HTD2: variants seen among roughly 807,000 people sequenced by gnomAD.
The protein encoded by HTD2 is hydroxyacyl-thioester dehydratase type 2, also known as hydroxyacyl-thioester dehydratase type 2, mitochondrial.
Under a neutral mutation model 3.1 loss-of-function variants are expected in HTD2, and 1 was observed. The ratio of observed to expected loss-of-function variants is 0.32; its 90% CI spans 0.11 to 1.52. The LOEUF (loss-of-function observed/expected upper bound fraction) is 1.52, where lower values mean the gene tolerates loss of function less well. HTD2 is among the 40% of genes most tolerant of loss of function. The probability of loss-of-function intolerance (pLI) is 0.39; values close to 1 mark genes in which losing one functional copy is unlikely to be tolerated. For synonymous variants in HTD2, 50 were observed against 28.9 expected, an observed-to-expected ratio of 1.73 and a Z score of -2.34; for missense variants, 150 against 79.6, an observed-to-expected ratio of 1.88 and a Z score of -3.36.
intron 1 of HTD2, among the ~76,000 whole-genome samples, chr3:58,307,423 C>G (rs972928939): frequency 4.6e-5 from 7 of 152,160 alleles, no homozygotes; most frequent in Admixed American, 4.6e-4. Flanking sequence ...TGCGCAGCCA[C>G]TAAAAAAGGC....
chr3:58,311,276 C>G (rs1010479334), intron 2 of HTD2, among the ~76,000 whole-genome samples: 4 of 152,064 alleles, frequency 2.6e-5, no homozygotes, highest in Admixed American at 2.0e-4. Flanking sequence ...TGCCTTAGCC[C>G]CCCTGGTAGC....
intron 2 of HTD2, among the ~76,000 whole-genome samples, chr3:58,314,882 T>G (rs1190703346): frequency 6.6e-6 from 1 of 152,002 alleles, no homozygotes; most frequent in African/African-American, 2.4e-5. Context: ...AGACGGGGTT[T>G]CACCATGTTG....
At chr3:58,309,860 C>T (rs1260824851) in intron 1 of HTD2, among the ~76,000 whole-genome samples, 2 of 151,976 alleles carry the variant, frequency 1.3e-5, no homozygotes, top group African/African-American at 4.8e-5. Context: ...CCACTGCACT[C>T]CAGCCTGGGC....
chr3:58,317,488 T>C lies in HTD2; in HGVS notation c.-126T>C, dbSNP rs777285667. 1.9e-6 allele frequency: 3 copies of C among 1,582,358 alleles called. No individual in the cohort carries two copies. The highest frequency in any genetic ancestry group is 2.2e-5 in the South Asian group (2 of 90,202). On this transcript the variant is annotated 5_prime_UTR_variant, in exon 5 of 5. Transcript: ENST00000461393. ...ATCTGGTAATAGTAGGGAACTAGTA[T>C]TGGATTGAATGAATAGTCTTCCATT...
chr3:58,309,871 G>T (rs1446556831), intron 1 of HTD2, among the ~76,000 whole-genome samples: 1 of 151,710 alleles, frequency 6.6e-6, no homozygotes, highest in African/African-American at 2.4e-5. Context: ...CAGCCTGGGC[G>T]ACAGAGCAAG....
chr3:58,311,205 A>G (rs1021127527), intron 2 of HTD2, among the ~76,000 whole-genome samples: 2 of 151,970 alleles, frequency 1.3e-5, no homozygotes, highest in Non-Finnish European at 2.9e-5. Context: ...CCCAGGCTGG[A>G]GTGCAATGGC....
rs1559796296 is a variant in HTD2 at position 58,317,471 on chromosome 3, A to G, written c.-143A>G. On this transcript the variant is annotated 5_prime_UTR_variant, in exon 5 of 5. It removes the in-frame stop codon of an upstream open reading frame in the 5' UTR. Transcript: ENST00000461393. Reference sequence around the variant, plus strand: ...CCATTTCTTCTTGCATTATCTGGTAATAGTAGGGAACTAGTATTGGATTGA... The same window carrying G: ...CCATTTCTTCTTGCATTATCTGGTAGTAGTAGGGAACTAGTATTGGATTGA... 5.0e-6 allele frequency: 8 copies of G among 1,599,112 alleles called. No individual in the cohort carries two copies. Among genetic ancestry groups the G allele is most frequent in the Non-Finnish European group, 6.9e-6 (8 of 1,167,492 alleles).
intron 4 of HTD2, 74 bp downstream of exon 4, chr3:58,317,067 A>G (rs2097489063): frequency 9.5e-7 from 1 of 1,056,008 alleles, no homozygotes; most frequent in East Asian, 2.4e-5. Context: ...TACACAACTC[A>G]TTTTTGTGCT....
intron 1 of HTD2, among the ~76,000 whole-genome samples, chr3:58,309,052 T>C (rs977104279): frequency 6.6e-6 from 1 of 152,194 alleles, no homozygotes; most frequent in Non-Finnish European, 1.5e-5. Context: ...CTGTGCTGTT[T>C]AAGCTCAGTT....
chr3:58,312,334 A>ACCCCCCCCCCCCCCCC (rs76719108), intron 2 of HTD2, among the ~76,000 whole-genome samples: 1 of 69,706 alleles, frequency 1.4e-5, no homozygotes, highest in African/African-American at 5.2e-5. Flanking sequence ...CAACCTCCGC[A>ACCCCCCCCCCCCCCCC]CCCCCCCCCG....
chr3:58,316,872 C>T, intron 3 of HTD2, 43 bp from the exon 4 acceptor site: 2 of 1,490,214 alleles, frequency 1.3e-6, no homozygotes, highest in Non-Finnish European at 1.9e-6. Context: ...TCATTTTGTT[C>T]TCTGTCTATG....
At chr3:58,309,576 T>C (rs781625476) in intron 1 of HTD2, among the ~76,000 whole-genome samples, 15 of 152,196 alleles carry the variant, frequency 9.9e-5, no homozygotes, top group Non-Finnish European at 1.3e-4. Context: ...TTAGATGAGT[T>C]ACTGTGCTCA....
chr3:58,307,451 C>T lies in HTD2; in HGVS notation c.-416+800C>T, dbSNP rs532964687. ...AAAAAGGCTGACTCTAGGCCGGGCG[C>T]GGTGGCTCATGCCTGTAATCCCAGC... On this transcript the variant is annotated intron_variant, in intron 1 of 4. Coordinates refer to ENST00000461393, the MANE Select transcript of HTD2 (RefSeq NM_001348712.2). Among the ~76,000 whole-genome samples the T allele has an allele frequency of 1.1e-4, 16 of 152,290 alleles. No individual in the cohort carries two copies. In the South Asian group the frequency reaches 3.1e-3, roughly 30 times the overall value.
intron 4 of HTD2, 78 bp downstream of exon 4, chr3:58,317,071 T>C (rs920331517): frequency 9.8e-7 from 1 of 1,025,200 alleles, no homozygotes; most frequent in East Asian, 2.4e-5. Flanking sequence ...CAACTCATTT[T>C]TGTGCTTGCA....
At chr3:58,310,615 A>G in intron 2 of HTD2, 24 bp downstream of exon 2, 2 of 1,576,528 alleles carry the variant, frequency 1.3e-6, no homozygotes, top group African/African-American at 1.4e-5. Context: ...TGGTAGATTG[A>G]ACATTCCAAA....
Position 58,319,972 on chromosome 3 carries a change from G to A in HTD2, c.*1852G>A, listed in dbSNP as rs1357244696. 3.3e-5 allele frequency: 5 copies of A among 152,074 alleles called. No individual in the cohort carries two copies. The South Asian group carries it at 6.2e-4, about 19-fold the overall frequency. 9.4% of individuals were successfully genotyped at this position (152,074 alleles called of 1,614,324 possible). A position where few individuals can be genotyped will look rare whatever the true frequency, so the allele number is the denominator to read the frequency against. ...CCCCCAAAAGAACCTCCCATTAGCA[G>A]TCAATCCATTTCTCTCCTCCAGTCT... On this transcript the variant is annotated 3_prime_UTR_variant, in exon 5 of 5. Coordinates refer to ENST00000461393, the MANE Select transcript of HTD2 (RefSeq NM_001348712.2).
Position 58,306,641 on chromosome 3 carries a change from C to G in HTD2, c.-426C>G, listed in dbSNP as rs548075297. The G allele has an allele frequency of 2.6e-5, 4 of 151,844 alleles. No homozygotes were observed. The highest frequency in any genetic ancestry group is 9.7e-5 in the African/African-American group (4 of 41,056). The allele number at this position is 151,844 out of a possible 1,614,324, so 9.4% of individuals were successfully genotyped here. On this transcript the variant is annotated 5_prime_UTR_variant, in exon 1 of 5. Coordinates refer to ENST00000461393, the MANE Select transcript of HTD2 (RefSeq NM_001348712.2). Reference sequence around the variant, plus strand: ...CCGTGTCCTGAGCGCTCTCCATGCGCCCGGCGCGAGGTGAGCGCTAAATAG... The same window carrying G: ...CCGTGTCCTGAGCGCTCTCCATGCGGCCGGCGCGAGGTGAGCGCTAAATAG...
Position 58,312,337 on chromosome 3 carries a change from C to A in HTD2, c.-331+1746C>A, listed in dbSNP as rs530728549. Among the ~76,000 whole-genome samples, 6 of 126,498 alleles carry A rather than the reference C, an allele frequency of 4.7e-5. 1 individual carries two copies. Among genetic ancestry groups the A allele is most frequent in the African/African-American group, 1.7e-4 (6 of 34,384 alleles). 83.0% of individuals were successfully genotyped at this position (126,498 alleles called of 152,430 possible). A position where few individuals can be genotyped will look rare whatever the true frequency, so the allele number is the denominator to read the frequency against. ...AGTGCAGTGGCACAACCTCCGCACC[C>A]CCCCCCGCCCCTCCCGGATTCAAGT... is the stretch of plus-strand genomic sequence containing the variant. On this transcript the variant is annotated intron_variant, in intron 2 of 4. Transcript: ENST00000461393.
chr3:58,316,065 T>C (rs1349834862), intron 2 of HTD2, among the ~76,000 whole-genome samples: 1 of 152,248 alleles, frequency 6.6e-6, no homozygotes, highest in East Asian at 1.9e-4. Flanking sequence ...TGTGTACCTG[T>C]GTGTCAGGTA....
Sources: gnomAD v4.1 joint callset for allele counts (sites outside exome capture counted in the v4.1 genomes callset) on GRCh38, gnomAD v4.1.1 for gene constraint, MANE v1.5 for transcripts, NCBI Gene and HGNC (gene_info 2026-07-23, HGNC 2026-07-21) for gene names.